The following PCMTD1 variants were observed in gnomAD, a reference collection of about 807,000 sequenced individuals.
PCMTD1 encodes the protein protein-L-isoaspartate O-methyltransferase domain-containing protein 1.
A neutral mutation model predicts 37.6 loss-of-function variants in PCMTD1; 12 were observed. That is an observed-to-expected ratio of 0.32 (90% confidence interval 0.20 to 0.52). PCMTD1 has a LOEUF of 0.52. Ranked by LOEUF, PCMTD1 falls within the 20% of genes least tolerant of loss-of-function variation. The probability of loss-of-function intolerance (pLI) is 0.97; values close to 1 mark genes in which losing one functional copy is unlikely to be tolerated. For missense variants in PCMTD1, 235 were observed against 421.3 expected, an observed-to-expected ratio of 0.56 and a Z score of 3.87; for synonymous variants, 117 against 135.8, an observed-to-expected ratio of 0.86 and a Z score of 0.96.
intron 1 of PCMTD1, among the ~76,000 whole-genome samples, chr8:51,893,817 C>CA (rs950447770): frequency 1.3e-5 from 2 of 152,004 alleles, no homozygotes; most frequent in African/African-American, 4.8e-5. Flanking sequence ...GTGTGTGTGA[C>CA]AGAGAGAGAG....
chr8:51,894,820 G>A (rs985971722), intron 1 of PCMTD1, among the ~76,000 whole-genome samples: 74 of 151,904 alleles, frequency 4.9e-4, no homozygotes, highest in African/African-American at 1.6e-3. Flanking sequence ...GAAAAGGAGA[G>A]AGAGAAGAAC....
intron 3 of PCMTD1, among the ~76,000 whole-genome samples, chr8:51,834,738 T>C (rs940807890): frequency 5.3e-5 from 8 of 152,176 alleles, no homozygotes; most frequent in African/African-American, 1.9e-4. Context: ...TATTACACAA[T>C]AAGTTTCCAT....
chr8:51,867,476 GGTGTGTGTGTGTGT>G (rs59206546), intron 1 of PCMTD1, among the ~76,000 whole-genome samples: 6,084 of 141,564 alleles, frequency 0.043, 177 homozygotes, highest in Middle Eastern at 0.075. Flanking sequence ...TAAAGAAAAT[GGTGTGTGTGTGTGT>G]GTGTGTGTGT....
intron 1 of PCMTD1, among the ~76,000 whole-genome samples, chr8:51,878,182 G>A (rs2038739658): frequency 6.6e-6 from 1 of 151,908 alleles, no homozygotes; most frequent in Admixed American, 6.6e-5. Flanking sequence ...TGCAGCCCAG[G>A]ATGGCTTTGA....
intron 2 of PCMTD1, among the ~76,000 whole-genome samples, chr8:51,854,148 C>T (rs2038348404): frequency 6.6e-6 from 1 of 152,110 alleles, no homozygotes; most frequent in Non-Finnish European, 1.5e-5. Flanking sequence ...TTCCTAACTT[C>T]TAAGAATAGT....
At chr8:51,839,393 C>T (rs1455396015) in intron 3 of PCMTD1, 2 of 910,858 alleles carry the variant, frequency 2.2e-6, no homozygotes, top group African/African-American at 3.6e-5. Context: ...ACAGATATCT[C>T]GGTTTAGAAC....
chr8:51,830,489 C>A (rs1237133254), intron 5 of PCMTD1, among the ~76,000 whole-genome samples: 1 of 152,204 alleles, frequency 6.6e-6, no homozygotes, highest in Admixed American at 6.5e-5. Flanking sequence ...AAAATGAATT[C>A]TTCTTTTCCC....
intron 2 of PCMTD1, among the ~76,000 whole-genome samples, chr8:51,858,029 G>T (rs1188455848): frequency 6.6e-6 from 1 of 151,928 alleles, no homozygotes; most frequent in Non-Finnish European, 1.5e-5. Flanking sequence ...AATAATAAAA[G>T]AAAAACCTAA....
At chr8:51,894,616 T>C (rs893243364) in intron 1 of PCMTD1, among the ~76,000 whole-genome samples, 6 of 152,216 alleles carry the variant, frequency 3.9e-5, no homozygotes, top group African/African-American at 1.4e-4. Context: ...GGGTTTGTTT[T>C]GTTTGCTTGT....
chr8:51,841,547 C>T (rs1194009774), intron 3 of PCMTD1, among the ~76,000 whole-genome samples: 2 of 152,174 alleles, frequency 1.3e-5, no homozygotes, highest in Non-Finnish European at 2.9e-5. Flanking sequence ...CAAATACATA[C>T]ATGTATATGC....
intron 1 of PCMTD1, among the ~76,000 whole-genome samples, chr8:51,880,033 A>C (rs1351279666): frequency 6.6e-6 from 1 of 151,738 alleles, no homozygotes; most frequent in East Asian, 1.9e-4. Flanking sequence ...AAAAAAAAAA[A>C]GTTTAAAAAA....
intron 4 of PCMTD1, 127 bp from the exon 5 acceptor site, chr8:51,831,694 G>A: frequency 1.2e-6 from 1 of 852,708 alleles, no homozygotes. Flanking sequence ...AAATGTAAAT[G>A]TGACCAAATT....
At chr8:51,872,104 AAAGT>A (rs1246840863) in intron 1 of PCMTD1, among the ~76,000 whole-genome samples, 2 of 152,234 alleles carry the variant, frequency 1.3e-5, no homozygotes, top group Non-Finnish European at 2.9e-5. Flanking sequence ...TTGAAGTGAT[AAAGT>A]AATATATAAA....
At position 51,818,598 on chromosome 8, in the gene PCMTD1, A is replaced by T. The variant is rs1487182392; in HGVS notation, c.*1753T>A. 1.3e-5 allele frequency: 2 copies of T among 152,330 alleles called. No individual in the cohort carries two copies. Among genetic ancestry groups the T allele is most frequent in the Non-Finnish European group, 2.9e-5 (2 of 68,078 alleles). 9.4% of individuals were successfully genotyped at this position (152,330 alleles called of 1,614,324 possible). On this transcript the variant is annotated 3_prime_UTR_variant, in exon 6 of 6. Transcript: ENST00000522514. Reference sequence around the variant, plus strand: ...AAACTGATTTTTTTCTTTCCTAGATACAAAAATGATATGGGGCATTTCTTA... The same window carrying T: ...AAACTGATTTTTTTCTTTCCTAGATTCAAAAATGATATGGGGCATTTCTTA...
intron 5 of PCMTD1, among the ~76,000 whole-genome samples, chr8:51,826,587 C>T (rs1014962556): frequency 6.6e-6 from 1 of 152,180 alleles, no homozygotes; most frequent in African/African-American, 2.4e-5. Context: ...ACATTAGGCT[C>T]CATTTGTTTC....
At chr8:51,845,847 T>C in intron 2 of PCMTD1, 84 bp from the exon 3 acceptor site, 8 of 833,860 alleles carry the variant, frequency 9.6e-6, no homozygotes, top group Non-Finnish European at 3.8e-6. Flanking sequence ...CATTTATACA[T>C]CACAGGAGTA....
intron 1 of PCMTD1, among the ~76,000 whole-genome samples, chr8:51,898,168 A>C (rs2129297716): frequency 6.6e-6 from 1 of 151,998 alleles, no homozygotes; most frequent in East Asian, 1.9e-4. Flanking sequence ...AATTCTTCTG[A>C]TTTGTAATGT....
intron 2 of PCMTD1, chr8:51,849,845 G>T (rs1415105531): frequency 5.8e-6 from 3 of 515,424 alleles, no homozygotes. Context: ...GTCTATGTTC[G>T]CCCCTTGTAA....
intron 2 of PCMTD1, chr8:51,849,952 G>C (rs1414168941): frequency 1.5e-6 from 1 of 653,454 alleles, no homozygotes; most frequent in East Asian, 2.7e-5. Context: ...GAAGTTCACT[G>C]TGCCTTTAGT....
Sources: gnomAD v4.1 joint callset for allele counts (sites outside exome capture counted in the v4.1 genomes callset) on GRCh38, gnomAD v4.1.1 for gene constraint, MANE v1.5 for transcripts, NCBI Gene and HGNC (gene_info 2026-07-23, HGNC 2026-07-21) for gene names.